BNC2: variants seen among roughly 807,000 people sequenced by gnomAD.
BNC2 encodes zinc finger protein basonuclin-2.
A neutral mutation model predicts 76.3 loss-of-function variants in BNC2; 20 were observed. The ratio of observed to expected loss-of-function variants is 0.26; its 90% CI spans 0.18 to 0.38. BNC2 has a LOEUF of 0.38. Ranked by LOEUF, BNC2 falls within the 10% of genes least tolerant of loss-of-function variation. The pLI is 1.00. For missense variants in BNC2, 1,382 were observed against 1,399.8 expected (o/e 0.99, Z 0.20); for synonymous variants, 582 against 514.8 (o/e 1.13, Z -1.77).
At chr9:16,708,581 G>C (rs1436902103) in intron 3 of BNC2, among the ~76,000 whole-genome samples, 1 of 152,106 alleles carries the variant, frequency 6.6e-6, no homozygotes, top group Non-Finnish European at 1.5e-5. Context: ...GAGAAGGAAG[G>C]AAAAGCAAAG....
chr9:16,434,362 T>C (rs939383300), intron 6 of BNC2, among the ~76,000 whole-genome samples: 5 of 152,174 alleles, frequency 3.3e-5, no homozygotes, highest in South Asian at 4.1e-4. Flanking sequence ...CTCTACACAA[T>C]TGACAAGCAC....
chr9:16,746,901 G>T (rs1007097230), intron 1 of BNC2, among the ~76,000 whole-genome samples: 6 of 151,140 alleles, frequency 4.0e-5, no homozygotes, highest in African/African-American at 1.5e-4. Flanking sequence ...GGCAGAGCTT[G>T]CAGTGAGCAG....
intron 3 of BNC2, among the ~76,000 whole-genome samples, chr9:16,590,018 G>C (rs893768344): frequency 3.3e-5 from 5 of 152,088 alleles, no homozygotes; most frequent in African/African-American, 1.2e-4. Flanking sequence ...CAGCACTTTG[G>C]GAGGCTGAGG....
At chr9:16,453,622 C>T (rs1587045186) in intron 5 of BNC2, among the ~76,000 whole-genome samples, 2 of 152,112 alleles carry the variant, frequency 1.3e-5, no homozygotes, top group South Asian at 2.1e-4. Flanking sequence ...TTCTAAAGTG[C>T]ACCTCTGACC....
At chr9:16,751,607 T>A in intron 1 of BNC2, among the ~76,000 whole-genome samples, 1 of 20,004 alleles carries the variant, frequency 5.0e-5, no homozygotes, top group South Asian at 8.1e-4. Context: ...CCAGCACAAA[T>A]ATATATATGT....
At chr9:16,543,682 C>G (rs1818391284) in intron 5 of BNC2, among the ~76,000 whole-genome samples, 1 of 152,188 alleles carries the variant, frequency 6.6e-6, no homozygotes, top group Admixed American at 6.5e-5. Flanking sequence ...GTCCTTGGAT[C>G]TAAGGTGTTT....
At chr9:16,590,663 C>T (rs996199733) in intron 3 of BNC2, among the ~76,000 whole-genome samples, 4 of 151,974 alleles carry the variant, frequency 2.6e-5, no homozygotes, top group Non-Finnish European at 4.4e-5. Context: ...AAAAATTCGC[C>T]GGGCGTGGTG....
intron 5 of BNC2, among the ~76,000 whole-genome samples, chr9:16,495,454 T>A (rs76537054): frequency 1.2e-4 from 18 of 152,282 alleles, no homozygotes; most frequent in Middle Eastern, 6.8e-3. Flanking sequence ...TGAATGTCAA[T>A]CTGAAAAATA....
At chr9:16,447,650 T>TG (rs1177858091) in intron 5 of BNC2, among the ~76,000 whole-genome samples, 1 of 152,068 alleles carries the variant, frequency 6.6e-6, no homozygotes, top group Non-Finnish European at 1.5e-5. Context: ...TTTTGACTCC[T>TG]GGTCAATTCA....
chr9:16,557,506 A>T (rs959600080), intron 4 of BNC2, among the ~76,000 whole-genome samples: 18 of 134,820 alleles, frequency 1.3e-4, no homozygotes, highest in South Asian at 6.5e-4. Context: ...CACAGGATTT[A>T]AAAAAAAAAA....
intron 5 of BNC2, among the ~76,000 whole-genome samples, chr9:16,518,670 G>A (rs1422628435): frequency 1.3e-5 from 2 of 151,866 alleles, no homozygotes; most frequent in African/African-American, 4.8e-5. Flanking sequence ...GCACCGTCTT[G>A]GCTCACTGCA....
At chr9:16,621,236 GA>G (rs1335797535) in intron 3 of BNC2, among the ~76,000 whole-genome samples, 1 of 152,138 alleles carries the variant, frequency 6.6e-6, no homozygotes, top group African/African-American at 2.4e-5. Flanking sequence ...CTGGGATTGT[GA>G]ATTCCTTACA....
chr9:16,869,259 G>C (rs1039190285), intron 1 of BNC2, among the ~76,000 whole-genome samples: 1 of 151,852 alleles, frequency 6.6e-6, no homozygotes, highest in Non-Finnish European at 1.5e-5. Flanking sequence ...TTTAATCCTG[G>C]GTACACAGGA....
intron 5 of BNC2, among the ~76,000 whole-genome samples, chr9:16,512,484 GCA>G (rs113858472): frequency 0.11 from 16,658 of 148,992 alleles, 1,211 homozygotes; most frequent in East Asian, 0.29. Flanking sequence ...TAACACACGC[GCA>G]CACACACACA....
intron 3 of BNC2, among the ~76,000 whole-genome samples, chr9:16,661,082 G>C (rs558265615): frequency 2.0e-5 from 3 of 152,076 alleles, no homozygotes; most frequent in Admixed American, 6.6e-5. Flanking sequence ...GGAAACTGAG[G>C]CTCAAGAAAA....
intron 3 of BNC2, among the ~76,000 whole-genome samples, chr9:16,672,995 C>T (rs1339993005): frequency 2.0e-5 from 3 of 152,276 alleles, no homozygotes; most frequent in East Asian, 3.9e-4. Flanking sequence ...TAAATAATGA[C>T]GCTGACAATT....
chr9:16,517,056 G>A (rs941403415), intron 5 of BNC2, among the ~76,000 whole-genome samples: 1 of 152,206 alleles, frequency 6.6e-6, no homozygotes, highest in Admixed American at 6.5e-5. Flanking sequence ...TTTGGATACT[G>A]CTGTGTTGTT....
chr9:16,716,525 C>T (rs1038565040), intron 3 of BNC2, among the ~76,000 whole-genome samples: 4 of 152,016 alleles, frequency 2.6e-5, no homozygotes, highest in Non-Finnish European at 2.9e-5. Flanking sequence ...TCAATCACAA[C>T]GACACAGCAT....
rs1203385833 is a variant in BNC2 at position 16,628,336 on chromosome 9, GAA to G, written c.331-45253_331-45252del. ...TAATGTGCCAGCCATCTTGTTTAGA[GAA>G]AGTTTCAGAAATTACAGTGGTAGGG... On this transcript the variant is annotated intron_variant, in intron 3 of 6. Coordinates refer to ENST00000380672, the MANE Select transcript of BNC2 (RefSeq NM_017637.6). Among the ~76,000 whole-genome samples, 3 of 152,146 alleles carry G rather than the reference GAA, an allele frequency of 2.0e-5. No individual in the cohort carries two copies. The East Asian group carries it at 5.8e-4, about 29-fold the overall frequency.
Sources: gnomAD v4.1 joint callset for allele counts (sites outside exome capture counted in the v4.1 genomes callset) on GRCh38, gnomAD v4.1.1 for gene constraint, MANE v1.5 for transcripts, NCBI Gene and HGNC (gene_info 2026-07-23, HGNC 2026-07-21) for gene names.